FMN1: variants seen among roughly 807,000 people sequenced by gnomAD.
FMN1 encodes formin-1.
A neutral mutation model predicts 132.4 loss-of-function variants in FMN1; 110 were observed. The observed-to-expected ratio is 0.83, with a 90% CI of 0.71 to 0.97. The LOEUF (loss-of-function observed/expected upper bound fraction) is 0.97, where lower values mean the gene tolerates loss of function less well. FMN1 is among the 50% of genes least tolerant of loss of function. FMN1 has a pLI of 0.00. For missense variants in FMN1, 1,792 were observed against 1,705.3 expected (o/e 1.05, Z -0.90); for synonymous variants, 722 against 651.7 (o/e 1.11, Z -1.64).
chr15:32,999,086 T>A (rs1170574965), intron 7 of FMN1, among the ~76,000 whole-genome samples: 2 of 152,206 alleles, frequency 1.3e-5, no homozygotes, highest in Non-Finnish European at 2.9e-5. Context: ...ATATTGTCTA[T>A]TTTTTCCTTT....
At chr15:32,893,826 C>A (rs1406309016) in intron 15 of FMN1, among the ~76,000 whole-genome samples, 1 of 152,226 alleles carries the variant, frequency 6.6e-6, no homozygotes, top group Non-Finnish European at 1.5e-5. Flanking sequence ...CTCTTTTCAA[C>A]CACAACTATA....
chr15:33,136,305 C>CA (rs1272477775), intron 4 of FMN1, among the ~76,000 whole-genome samples: 1 of 152,164 alleles, frequency 6.6e-6, no homozygotes, highest in Non-Finnish European at 1.5e-5. Context: ...AAAAATTGCA[C>CA]AAAAGTATAT....
At chr15:32,889,049 C>T (rs1206570463) in intron 15 of FMN1, among the ~76,000 whole-genome samples, 1 of 152,004 alleles carries the variant, frequency 6.6e-6, no homozygotes. Context: ...AGACGGGGGT[C>T]TCACCATGTT....
intron 2 of FMN1, among the ~76,000 whole-genome samples, chr15:33,183,079 T>G (rs900633427): frequency 5.9e-5 from 9 of 152,192 alleles, no homozygotes; most frequent in Non-Finnish European, 1.2e-4. Context: ...CTTACACCAC[T>G]GTGTTATAAT....
chr15:33,127,628 T>A (rs1963222924), intron 4 of FMN1, among the ~76,000 whole-genome samples: 1 of 137,814 alleles, frequency 7.3e-6, no homozygotes, highest in African/African-American at 2.5e-5. Context: ...ACACAAGTAT[T>A]TTCCAATCAA....
chr15:33,153,595 G>A lies in FMN1; in HGVS notation c.1320C>T (p.Gly440=), dbSNP rs1381256670. The change falls in exon 4 of 21, where the codon GGC becomes GGT. Residue 440 remains glycine (G), a synonymous_variant. Coordinates refer to ENST00000616417, the MANE Select transcript of FMN1 (RefSeq NM_001277313.2). ...GAGGGACACTCGTGTGGACAGGGAA[G>A]CCCAGTCTTTTCCCCTCAGGGGCTT... ...LDEAPEGKRL[G]FPVHTSVPHT... 2 of 1,536,072 alleles carry A rather than the reference G, an allele frequency of 1.3e-6. No homozygotes were observed. Among genetic ancestry groups the A allele is most frequent in the African/African-American group, 2.7e-5 (2 of 73,056 alleles).
At chr15:33,108,798 AAAC>A (rs1272523067) in intron 4 of FMN1, among the ~76,000 whole-genome samples, 1 of 152,140 alleles carries the variant, frequency 6.6e-6, no homozygotes, top group African/African-American at 2.4e-5. Flanking sequence ...ACATTTGCCC[AAAC>A]AACTCCCCTG....
intron 17 of FMN1, among the ~76,000 whole-genome samples, chr15:32,851,774 C>T (rs187543540): frequency 3.9e-5 from 6 of 152,210 alleles, no homozygotes; most frequent in East Asian, 1.9e-4. Context: ...CTGAGTGTGG[C>T]AACAGGATAT....
intron 16 of FMN1, among the ~76,000 whole-genome samples, chr15:32,885,222 A>G (rs1310079691): frequency 1.3e-5 from 2 of 152,116 alleles, no homozygotes; most frequent in African/African-American, 4.8e-5. Context: ...TTCCAACCCA[A>G]AGCAAGTTCC....
chr15:32,912,971 T>C (rs948858938), intron 10 of FMN1, among the ~76,000 whole-genome samples: 1 of 152,224 alleles, frequency 6.6e-6, no homozygotes, highest in African/African-American at 2.4e-5. Context: ...ATATACATTG[T>C]AAATGTGTTT....
chr15:33,095,363 AAAAG>A (rs1203529648), intron 4 of FMN1, among the ~76,000 whole-genome samples: 2 of 152,130 alleles, frequency 1.3e-5, no homozygotes, highest in South Asian at 2.1e-4. Context: ...ACAAAAAGAA[AAAAG>A]AAAGAATATA....
chr15:33,048,111 G>T (rs2036775368), intron 6 of FMN1, among the ~76,000 whole-genome samples: 1 of 140,508 alleles, frequency 7.1e-6, no homozygotes, highest in South Asian at 2.3e-4. Context: ...AAAGATTATG[G>T]GTAAAATAAA....
At chr15:33,138,130 C>T (rs944286399) in intron 4 of FMN1, among the ~76,000 whole-genome samples, 1 of 152,206 alleles carries the variant, frequency 6.6e-6, no homozygotes, top group African/African-American at 2.4e-5. Context: ...ATAAGCACAA[C>T]TGCCTGCTAT....
Position 32,968,978 on chromosome 15 carries a change from G to A in FMN1, c.2723C>T (p.Pro908Leu). 1.0e-6 allele frequency: 1 copy of A among 995,326 alleles called. No individual in the cohort carries two copies. The allele number at this position is 995,326 out of a possible 1,614,324, so 61.7% of individuals were successfully genotyped here. ...SAGPPLPPPP[P>L]PPPPLPPPSS... is the part of the protein sequence containing the mutation. ...AGGTGGAGGTAGAGGTGGCGGTGGAGGAGGCGGAGGTGGTAGCGGTGGCCC... is the reference window on the plus strand; with the variant it reads ...AGGTGGAGGTAGAGGTGGCGGTGGAAGAGGCGGAGGTGGTAGCGGTGGCCC... Residue 908 changes from proline (P) to leucine (L), a missense_variant, in exon 8 of 21, where the codon CCT becomes CTT. Physicochemically the swap from Pro to Leu is moderately conservative, Grantham distance 98 (BLOSUM62 -3). This residue lies in a region of FMN1 where 1,150 missense variants were observed against 1,043.1 expected (regional missense o/e 1.10). Coordinates refer to ENST00000616417, the MANE Select transcript of FMN1 (RefSeq NM_001277313.2).
intron 7 of FMN1, among the ~76,000 whole-genome samples, chr15:32,996,279 G>C (rs1464981518): frequency 1.3e-5 from 2 of 152,182 alleles, no homozygotes; most frequent in Non-Finnish European, 1.5e-5. Context: ...AGCACAAACA[G>C]GATTCAAACT....
intron 7 of FMN1, among the ~76,000 whole-genome samples, chr15:32,989,062 A>T (rs2033267811): frequency 6.6e-6 from 1 of 152,196 alleles, no homozygotes; most frequent in Non-Finnish European, 1.5e-5. Flanking sequence ...CAGTTTTTCC[A>T]CTACAGTTTT....
chr15:32,979,509 T>C (rs1036730907), intron 7 of FMN1, among the ~76,000 whole-genome samples: 3 of 146,758 alleles, frequency 2.0e-5, no homozygotes, highest in African/African-American at 5.2e-5. Context: ...TGAGCGGAGA[T>C]TGTGCCATTG....
chr15:33,033,262 C>T (rs1324108139), intron 6 of FMN1, among the ~76,000 whole-genome samples: 1 of 152,120 alleles, frequency 6.6e-6, no homozygotes, highest in Non-Finnish European at 1.5e-5. Context: ...GATCTCCTGA[C>T]CTTGTGATCC....
At chr15:33,123,127 G>A (rs569807098) in intron 4 of FMN1, among the ~76,000 whole-genome samples, 5 of 150,888 alleles carry the variant, frequency 3.3e-5, no homozygotes, top group South Asian at 4.2e-4. Context: ...ACGTCATATC[G>A]TCAAGCCTTG....
Sources: gnomAD v4.1 joint callset for allele counts (sites outside exome capture counted in the v4.1 genomes callset) on GRCh38, gnomAD v4.1.1 for gene constraint, gnomAD v4.1.1 regional missense constraint, MANE v1.5 for transcripts, NCBI Gene and HGNC (gene_info 2026-07-23, HGNC 2026-07-21) for gene names.